EIF2AK1: variants seen among roughly 807,000 people sequenced by gnomAD.
The protein encoded by EIF2AK1 is eukaryotic translation initiation factor 2 alpha kinase 1.
Under a neutral mutation model 77.9 loss-of-function variants are expected in EIF2AK1, and 54 were observed. That is an observed-to-expected ratio of 0.69 (90% CI 0.56 to 0.87). EIF2AK1 has a LOEUF of 0.87. Ranked by LOEUF, EIF2AK1 falls within the 40% of genes least tolerant of loss-of-function variation. EIF2AK1 has a pLI of 0.00. For synonymous variants in EIF2AK1, 314 were observed against 290.5 expected, an observed-to-expected ratio of 1.08 and a Z score of -0.82; for missense variants, 810 against 768.6, an observed-to-expected ratio of 1.05 and a Z score of -0.64.
intron 8 of EIF2AK1, among the ~76,000 whole-genome samples, chr7:6,042,717 C>T (rs1788333154): frequency 6.6e-6 from 1 of 151,964 alleles, no homozygotes; most frequent in South Asian, 2.1e-4. Flanking sequence ...ATACAAAAAA[C>T]TAGCTGGGTG....
rs1787759872 is a variant in EIF2AK1, at chr7:6,026,814, T to C, written c.1678A>G (p.Ile560Val). The C allele has an allele frequency of 4.3e-6, 7 of 1,614,104 alleles. No individual in the cohort carries two copies. Among genetic ancestry groups the C allele is most frequent in the South Asian group, 2.2e-5 (2 of 91,094 alleles). The change falls in exon 14 of 15, where the codon ATC (isoleucine) becomes GTC (valine). Residue 560 changes from isoleucine (I) to valine (V), a missense_variant. This residue lies in a region of EIF2AK1 where 549 missense variants were observed against 533.7 expected (regional missense o/e 1.03). Transcript: ENST00000199389. ...RKRCPVQAKYIQHLTRRNSSQ... is the reference protein window; with the variant it reads ...RKRCPVQAKYVQHLTRRNSSQ... ...GAGTTCCTTCTCGTTAAGTGCTGGA[T>C]ATACTTGGCTTGCACTGGACACCTT...
At chr7:6,047,197 C>T in intron 4 of EIF2AK1, 106 bp from the exon 5 acceptor site, 1 of 1,132,106 alleles carries the variant, frequency 8.8e-7, no homozygotes, top group Non-Finnish European at 1.3e-6. Flanking sequence ...TCATGTATCA[C>T]TAAGCTGTGC....
intron 14 of EIF2AK1, among the ~76,000 whole-genome samples, chr7:6,025,875 C>T (rs1787732009): frequency 1.3e-5 from 2 of 152,082 alleles, no homozygotes; most frequent in Admixed American, 6.6e-5. Flanking sequence ...TCAGGCAATC[C>T]TCCCACCTCT....
intron 3 of EIF2AK1, 199 bp downstream of exon 3, chr7:6,049,713 A>G (rs1788551605): frequency 4.2e-6 from 2 of 481,052 alleles, no homozygotes; most frequent in Admixed American, 7.8e-5. Flanking sequence ...TGCAGCCTTG[A>G]ACTCCTGGCC....
At chr7:6,058,433 T>C (rs1788856233) in intron 1 of EIF2AK1, among the ~76,000 whole-genome samples, 1 of 152,030 alleles carries the variant, frequency 6.6e-6, no homozygotes, top group Non-Finnish European at 1.5e-5. Context: ...AACTTGGGCC[T>C]TTTTATTAAA....
chr7:6,026,728 A>G lies in EIF2AK1; in HGVS notation c.1764T>C (p.Asn588=), dbSNP rs748856619. Residue 588 remains asparagine (N), a splice_region_variant and synonymous_variant, in exon 14 of 15, where the codon AAT becomes AAC. Coordinates refer to ENST00000199389, the MANE Select transcript of EIF2AK1 (RefSeq NM_014413.4). ...LQSELFQNSG[N]VNLTLQMKII... Reference sequence around the variant, plus strand: ...GACCAAGAGAAAGAAAAGCACATACATTTCCAGAATTTTGGAAAAGTTCAC... The same window carrying G: ...GACCAAGAGAAAGAAAAGCACATACGTTTCCAGAATTTTGGAAAAGTTCAC... The G allele has an allele frequency of 3.1e-6, 5 of 1,611,772 alleles. No homozygotes were observed. Among genetic ancestry groups the G allele is most frequent in the Non-Finnish European group, 4.2e-6 (5 of 1,177,844 alleles).
rs144376825 is a variant in EIF2AK1, at chr7:6,026,307, AGGT to A, written c.1764+418_1764+420del. ...ATACAGACAGCCCAGAACAGCAGGC[AGGT>A]GGTGAAGGGTCAGAGTTTGACCTGG... On this transcript the variant is annotated intron_variant, in intron 14 of 14. Transcript: ENST00000199389. 4.4e-3 allele frequency: 1,719 copies of A among 389,874 alleles called. 23 individuals carry two copies. Among genetic ancestry groups the A allele is most frequent in the African/African-American group, 0.034 (1,599 of 47,592 alleles). The allele number at this position is 389,874 out of a possible 1,614,324, so 24.2% of individuals were successfully genotyped here.
intron 8 of EIF2AK1, among the ~76,000 whole-genome samples, chr7:6,042,043 G>A (rs1447000641): frequency 6.6e-6 from 1 of 152,100 alleles, no homozygotes; most frequent in Non-Finnish European, 1.5e-5. Flanking sequence ...CAGCTACTCA[G>A]GCAGCTAAGG....
Position 6,044,564 on chromosome 7 carries a change from C to T in EIF2AK1, c.728G>A (p.Arg243Gln), listed in dbSNP as rs751280610. The change falls in exon 7 of 15, where the codon CGA becomes CAA. Residue 243 changes from arginine to glutamine, a missense_variant and splice_region_variant. By Grantham distance (43) the Arg-to-Gln change is conservative (BLOSUM62 1). Coordinates refer to ENST00000199389, the MANE Select transcript of EIF2AK1 (RefSeq NM_014413.4). ...WIEHVHVIQP[R>Q]ADRAAIELPS... ...CCATACCATCAAAAACGGCTTACCT[C>T]GTGGCTGAATCACATGAACATGTTC... The T allele has an allele frequency of 3.1e-6, 5 of 1,612,582 alleles. No homozygotes were observed. Among genetic ancestry groups the T allele is most frequent in the East Asian group, 4.5e-5 (2 of 44,822 alleles).
chr7:6,028,005 A>T (rs1020349396), intron 13 of EIF2AK1: 21 of 452,802 alleles, frequency 4.6e-5, no homozygotes, highest in African/African-American at 3.0e-4. Flanking sequence ...GGAGGCTGCC[A>T]TGAGCTATGA....
chr7:6,035,346 T>G lies in EIF2AK1; in HGVS notation c.1332+2078A>C. The G allele has an allele frequency of 8.5e-7, 1 of 1,172,748 alleles. No individual in the cohort carries two copies. Among genetic ancestry groups the G allele is most frequent in the Non-Finnish European group, 1.2e-6 (1 of 837,654 alleles). The allele number at this position is 1,172,748 out of a possible 1,614,324, so 72.6% of individuals were successfully genotyped here. A position where few individuals can be genotyped will look rare whatever the true frequency, so the allele number is the denominator to read the frequency against. On this transcript the variant is annotated intron_variant, in intron 11 of 14. Transcript: ENST00000199389. The surrounding 1 kb of genome is among the most constrained non-coding windows in gnomAD (Gnocchi z 5.5). ...ACGTCCTTAAGGTAATTGAAGGGTC[T>G]TACTTTAAATAAATACTGGCTTCTT... is the stretch of plus-strand genomic sequence containing the variant.
At chr7:6,058,123 T>C in intron 1 of EIF2AK1, 1 of 455,570 alleles carries the variant, frequency 2.2e-6, no homozygotes, top group Non-Finnish European at 4.4e-6. Flanking sequence ...TCAAGAAAAC[T>C]TGGGGGCTGA....
At chr7:6,053,208 T>A (rs1258043717) in intron 2 of EIF2AK1, among the ~76,000 whole-genome samples, 1 of 152,150 alleles carries the variant, frequency 6.6e-6, no homozygotes, top group African/African-American at 2.4e-5. Context: ...TTAATTTTTG[T>A]GAGTATATGG....
chr7:6,030,366 G>A (rs1234636834), intron 11 of EIF2AK1, among the ~76,000 whole-genome samples: 16 of 152,148 alleles, frequency 1.1e-4, no homozygotes, highest in Admixed American at 9.2e-4. Context: ...TGTTGTAACT[G>A]CCCTGGGTGT....
intron 11 of EIF2AK1, among the ~76,000 whole-genome samples, chr7:6,030,563 A>G (rs923133272): frequency 3.9e-5 from 6 of 152,140 alleles, no homozygotes; most frequent in African/African-American, 1.4e-4. Context: ...CAGTGGTGCC[A>G]TCTCGGCTCA....
chr7:6,042,384 G>C (rs945658607), intron 8 of EIF2AK1, among the ~76,000 whole-genome samples: 4 of 151,488 alleles, frequency 2.6e-5, no homozygotes, highest in African/African-American at 9.7e-5. Context: ...CTGGGAGGCA[G>C]AGGTTGCAGT....
chr7:6,039,136 A>G (rs1788219044), intron 9 of EIF2AK1, among the ~76,000 whole-genome samples: 1 of 152,190 alleles, frequency 6.6e-6, no homozygotes, highest in South Asian at 2.1e-4. Context: ...TACATAACTA[A>G]TAACTTATTC....
At chr7:6,044,491 G>A (rs776176663) in intron 7 of EIF2AK1, 71 bp downstream of exon 7, 21 of 1,276,730 alleles carry the variant, frequency 1.6e-5, no homozygotes, top group Non-Finnish European at 2.2e-5. Context: ...AAAAACAAAG[G>A]CAGGCCAGAT....
In EIF2AK1 at chr7:6,032,716, C is replaced by A; in HGVS notation, c.1333-3684G>T. 5.8e-6 allele frequency: 4 copies of A among 694,340 alleles called. No individual in the cohort carries two copies. Among genetic ancestry groups the A allele is most frequent in the Middle Eastern group, 2.6e-4 (1 of 3,910 alleles). 43.0% of individuals were successfully genotyped at this position (694,340 alleles called of 1,614,324 possible). On this transcript the variant is annotated intron_variant, in intron 11 of 14. Coordinates refer to ENST00000199389, the MANE Select transcript of EIF2AK1 (RefSeq NM_014413.4). The surrounding 1 kb of genome is among the most constrained non-coding windows in gnomAD (Gnocchi z 4.3). ...GAAAGGAAACTTTCAATGCACATAC[C>A]AGAAAAAGAGTGAGCCAATGAGACA...
Sources: allele counts gnomAD v4.1 joint callset (sites outside exome capture counted in the v4.1 genomes callset), GRCh38; gene constraint gnomAD v4.1.1; regional missense constraint gnomAD v4.1.1; non-coding constraint Gnocchi (gnomAD v3.1); transcripts MANE v1.5; gene names NCBI Gene and HGNC (gene_info 2026-07-23, HGNC 2026-07-21).